Variants in ANXA13 observed in about 807,000 individuals in gnomAD.
ANXA13 encodes the protein annexin A13.
A neutral mutation model predicts 46.6 loss-of-function variants in ANXA13; 36 were observed. The observed-to-expected ratio is 0.77, with a 90% CI of 0.59 to 1.02. ANXA13 has a LOEUF of 1.02. Ranked by LOEUF, ANXA13 falls within the 50% of genes least tolerant of loss-of-function variation. The pLI, the probability that ANXA13 is intolerant of heterozygous loss-of-function variation, is 0.00. For missense variants in ANXA13, 417 were observed against 396.5 expected, an observed-to-expected ratio of 1.05 and a Z score of -0.44; for synonymous variants, 163 against 152.9, an observed-to-expected ratio of 1.07 and a Z score of -0.49.
intron 10 of ANXA13, among the ~76,000 whole-genome samples, chr8:123,682,851 G>A (rs111343508): frequency 9.2e-5 from 14 of 152,306 alleles, no homozygotes; most frequent in African/African-American, 3.1e-4. Context: ...ATGTTGAGAT[G>A]GCCCAGGACG....
chr8:123,705,716 G>T (rs1048810271), intron 2 of ANXA13, among the ~76,000 whole-genome samples: 1 of 152,170 alleles, frequency 6.6e-6, no homozygotes, highest in Non-Finnish European at 1.5e-5. Context: ...GAGCCATCAG[G>T]ATCCTGAAGG....
intron 2 of ANXA13, among the ~76,000 whole-genome samples, chr8:123,709,107 G>C (rs1263476919): frequency 1.3e-5 from 2 of 152,164 alleles, no homozygotes; most frequent in African/African-American, 4.8e-5. Flanking sequence ...GGAGAACAAG[G>C]GCGCGCCTAC....
At chr8:123,694,388 AG>A (rs763832775) in intron 6 of ANXA13, among the ~76,000 whole-genome samples, 125 of 152,218 alleles carry the variant, frequency 8.2e-4, no homozygotes, top group Non-Finnish European at 1.1e-3. Context: ...GGCCTGACCC[AG>A]ATGAATGAGC....
Position 123,703,954 on chromosome 8 carries a change from C to T in ANXA13, c.92-1218G>A, listed in dbSNP as rs187553148. On this transcript the variant is annotated intron_variant, in intron 2 of 10. Transcript: ENST00000419625. ...TATTCAGGTTGGACTCAAATCACAG[C>T]TCCACCCTGTACCGACTGCATGACA... Among the ~76,000 whole-genome samples the T allele has an allele frequency of 8.2e-4, 125 of 152,310 alleles. 1 individual carries two copies. Among genetic ancestry groups the T allele is most frequent in the African/African-American group, 2.7e-3 (112 of 41,566 alleles).
chr8:123,702,714 A>C lies in ANXA13; in HGVS notation c.114T>G (p.Ile38Met). Reference sequence around the variant, plus strand: ...CTGATGTCCTGCCCGATAAGATTTCAATGATGGCTGCTTCATTGGTCCCTA... The same window carrying C: ...CTGATGTCCTGCCCGATAAGATTTCCATGATGGCTGCTTCATTGGTCCCTA... ...KGMGTNEAAI[I>M]EILSGRTSDE... Residue 38 changes from isoleucine (I) to methionine (M), a missense_variant, in exon 3 of 11, where the codon ATT (isoleucine) becomes ATG (methionine). Transcript: ENST00000419625. 2 of 1,614,092 alleles carry C rather than the reference A, an allele frequency of 1.2e-6. No individual in the cohort carries two copies. The highest frequency in any genetic ancestry group is 2.2e-5 in the East Asian group (1 of 44,876).
rs759519055 is a variant in ANXA13 at position 123,698,562 on chromosome 8, A to T, written c.187-3T>A. The T allele has an allele frequency of 1.9e-6, 3 of 1,613,754 alleles. No homozygotes were observed. The highest frequency in any genetic ancestry group is 2.5e-6 in the Non-Finnish European group (3 of 1,179,722). ...CTCTTGAGTACTTCCTCCAGCTCCT[A>T]CCAGAAGACAGTGAGAGACGTGCTG... On this transcript the variant is annotated splice_polypyrimidine_tract_variant and splice_region_variant and intron_variant, in intron 3 of 10. Transcript: ENST00000419625.
intron 6 of ANXA13, among the ~76,000 whole-genome samples, chr8:123,695,298 G>C (rs1310254690): frequency 6.6e-6 from 1 of 152,142 alleles, no homozygotes; most frequent in Non-Finnish European, 1.5e-5. Flanking sequence ...CAAATGACTA[G>C]GCAGATTGTT....
intron 2 of ANXA13, chr8:123,712,455 C>A: frequency 3.5e-6 from 2 of 570,250 alleles, no homozygotes; most frequent in Non-Finnish European, 6.3e-6. Context: ...TTAAACGTCA[C>A]AATATCCAAC....
chr8:123,702,783 G>A, intron 2 of ANXA13, 47 bp from the exon 3 acceptor site: 1 of 1,551,436 alleles, frequency 6.4e-7, no homozygotes, highest in Non-Finnish European at 8.9e-7. Context: ...TAAGAAACAA[G>A]GTGGAAGTTT....
intron 7 of ANXA13, 75 bp from the exon 8 acceptor site, chr8:123,693,373 T>G (rs1327106731): frequency 7.8e-7 from 1 of 1,289,656 alleles, no homozygotes; most frequent in East Asian, 2.3e-5. Context: ...TGACTAGGCC[T>G]CACTGACAGG....
chr8:123,695,920 C>G (rs1413034623), intron 4 of ANXA13, among the ~76,000 whole-genome samples, 199 bp from the exon 5 acceptor site: 2 of 146,918 alleles, frequency 1.4e-5, no homozygotes, highest in Non-Finnish European at 3.0e-5. Flanking sequence ...CCCCCCCACT[C>G]CGCCCACCTC....
At chr8:123,723,084 A>G (rs1293104750) in intron 1 of ANXA13, among the ~76,000 whole-genome samples, 1 of 152,224 alleles carries the variant, frequency 6.6e-6, no homozygotes, top group African/African-American at 2.4e-5. Flanking sequence ...TAAATTGCCA[A>G]ATATATTTAT....
intron 4 of ANXA13, 46 bp from the exon 5 acceptor site, chr8:123,695,767 T>C: frequency 4.6e-6 from 7 of 1,518,186 alleles, no homozygotes; most frequent in Non-Finnish European, 6.4e-6. Context: ...AAGGAGGGAT[T>C]AATCAATAAG....
chr8:123,691,734 C>T (rs1813247109), intron 8 of ANXA13, among the ~76,000 whole-genome samples: 1 of 152,202 alleles, frequency 6.6e-6, no homozygotes, highest in Non-Finnish European at 1.5e-5. Flanking sequence ...GATGGTCAGG[C>T]CCTAGCCCCG....
At chr8:123,689,418 T>A (rs1437222850) in intron 8 of ANXA13, among the ~76,000 whole-genome samples, 1 of 152,010 alleles carries the variant, frequency 6.6e-6, no homozygotes. Flanking sequence ...CTCTCCCTTG[T>A]CTTGGGACCA....
At chr8:123,706,475 T>C (rs980313555) in intron 2 of ANXA13, among the ~76,000 whole-genome samples, 2 of 152,198 alleles carry the variant, frequency 1.3e-5, no homozygotes, top group East Asian at 3.9e-4. Flanking sequence ...GGCTCAGGCC[T>C]GGCTGTCCCC....
At chr8:123,735,662 G>T (rs1814244937) in intron 1 of ANXA13, 10 of 1,366,474 alleles carry the variant, frequency 7.3e-6, no homozygotes, top group Non-Finnish European at 8.6e-6. Context: ...GGCTGGTGGA[G>T]GGTCCAACAT....
At chr8:123,734,585 G>T (rs1443136717) in intron 1 of ANXA13, among the ~76,000 whole-genome samples, 1 of 151,764 alleles carries the variant, frequency 6.6e-6, no homozygotes, top group Non-Finnish European at 1.5e-5. Context: ...TTCGTTTCAG[G>T]ATTGGTTAGG....
At chr8:123,703,192 T>G (rs1189072497) in intron 2 of ANXA13, among the ~76,000 whole-genome samples, 1 of 152,248 alleles carries the variant, frequency 6.6e-6, no homozygotes, top group African/African-American at 2.4e-5. Flanking sequence ...AATAAATTAC[T>G]GATAGATGTT....
Sources: allele counts gnomAD v4.1 joint callset (sites outside exome capture counted in the v4.1 genomes callset), GRCh38; gene constraint gnomAD v4.1.1; transcripts MANE v1.5; gene names NCBI Gene and HGNC (gene_info 2026-07-23, HGNC 2026-07-21).